RYR1: variants seen among roughly 807,000 people sequenced by gnomAD.
RYR1 encodes central core disease of muscle.
RYR1 carries 342 observed loss-of-function variants against 583.5 expected under a neutral mutation model. The ratio of observed to expected loss-of-function variants is 0.59; its 90% CI spans 0.54 to 0.64. The LOEUF is 0.64. Among genes scored for constraint, RYR1 ranks in the 30% least tolerant of loss-of-function variants. RYR1 has a pLI of 0.00. For missense variants in RYR1, 6,032 were observed against 6,917.2 expected (o/e 0.87, Z 4.54); for synonymous variants, 2,791 against 2,822.5 (o/e 0.99, Z 0.35).
rs948898812 is a variant in RYR1 at position 38,565,654 on chromosome 19, G to A, written c.13320G>A (p.Val4440=). Residue 4440 remains valine (V), a synonymous_variant, in exon 91 of 106, where the codon GTG becomes GTA. Coordinates refer to ENST00000359596, the MANE Select transcript of RYR1 (RefSeq NM_000540.3). The surrounding 1 kb of genome is among the most constrained non-coding windows in gnomAD (Gnocchi z 4.7). ...GCGGTGCCGACGGGGCGGTGGCCGTGACCGATGGGGGCCCCTTCCGGCCCG... is the reference window on the plus strand; with the variant it reads ...GCGGTGCCGACGGGGCGGTGGCCGTAACCGATGGGGGCCCCTTCCGGCCCG... ...GPGGADGAVA[V]TDGGPFRPEG... is the part of the protein sequence containing the mutation. 7.2e-7 allele frequency: 1 copy of A among 1,390,448 alleles called. No individual in the cohort carries two copies. Among genetic ancestry groups the A allele is most frequent in the Non-Finnish European group, 9.2e-7 (1 of 1,083,360 alleles). 86.1% of individuals were successfully genotyped at this position (1,390,448 alleles called of 1,614,324 possible).
chr19:38,444,446 C>T lies in RYR1; in HGVS notation c.538-138C>T. 1.2e-6 allele frequency: 1 copy of T among 867,156 alleles called. No homozygotes were observed. The highest frequency in any genetic ancestry group is 1.9e-6 in the Non-Finnish European group (1 of 524,864). 53.7% of individuals were successfully genotyped at this position (867,156 alleles called of 1,614,324 possible). On this transcript the variant is annotated intron_variant, in intron 6 of 105. Coordinates refer to ENST00000359596, the MANE Select transcript of RYR1 (RefSeq NM_000540.3). The surrounding 1 kb of genome is among the most constrained non-coding windows in gnomAD (Gnocchi z 5.1). ...CTCCCATTGCCCGACTTGATCATTT[C>T]CTGATCTGTGATCTCTGATGACTCT...
At position 38,475,459 on chromosome 19, in the gene RYR1, C is replaced by T. The variant is rs753826434; in HGVS notation, c.4293+9C>T. The stretch of plus-strand genomic sequence containing the variant: ...TCCTCAACACCACCACGGTGTGGAC[C>T]AGTAACCCTCAATTTTGGGGTCCCC... On this transcript the variant is annotated intron_variant, in intron 29 of 105. Coordinates refer to ENST00000359596, the MANE Select transcript of RYR1 (RefSeq NM_000540.3). 3.2e-5 allele frequency: 51 copies of T among 1,613,166 alleles called. No homozygotes were observed. Among genetic ancestry groups the T allele is most frequent in the Non-Finnish European group, 4.2e-5 (49 of 1,180,030 alleles).
chr19:38,532,948 G>A (rs1445856500), intron 78 of RYR1, among the ~76,000 whole-genome samples: 1 of 151,680 alleles, frequency 6.6e-6, no homozygotes, highest in Non-Finnish European at 1.5e-5. Context: ...GGTCAGGGCT[G>A]GAATTGGGGA....
rs1306810631 is a variant in RYR1 at position 38,543,796 on chromosome 19, G to C, written c.11933G>C (p.Ser3978Thr). ...IQGPCTGNQQ[S>T]LAHSRLWDAV... is the part of the protein sequence containing the mutation. ...GGTCCCTGCACCGGGAACCAGCAGA[G>C]CCTGGCGCACAGTCGCCTATGGGAC... Residue 3978 changes from serine (S) to threonine (T), a missense_variant, in exon 87 of 106, where the codon AGC (serine) becomes ACC (threonine). Coordinates refer to ENST00000359596, the MANE Select transcript of RYR1 (RefSeq NM_000540.3). The surrounding 1 kb of genome is among the most constrained non-coding windows in gnomAD (Gnocchi z 4.4). 1.2e-6 allele frequency: 2 copies of C among 1,613,602 alleles called. No individual in the cohort carries two copies. Among genetic ancestry groups the C allele is most frequent in the Non-Finnish European group, 1.7e-6 (2 of 1,180,034 alleles).
chr19:38,543,797 C>T lies in RYR1; in HGVS notation c.11934C>T (p.Ser3978=), dbSNP rs767405556. The T allele has an allele frequency of 1.2e-6, 2 of 1,613,804 alleles. No homozygotes were observed. Among genetic ancestry groups the T allele is most frequent in the Non-Finnish European group, 1.7e-6 (2 of 1,180,036 alleles). ...IQGPCTGNQQ[S]LAHSRLWDAV... is the part of the protein sequence containing the mutation. ...GTCCCTGCACCGGGAACCAGCAGAGCCTGGCGCACAGTCGCCTATGGGACG... is the reference window on the plus strand; with the variant it reads ...GTCCCTGCACCGGGAACCAGCAGAGTCTGGCGCACAGTCGCCTATGGGACG... Residue 3978 remains serine, a synonymous_variant, in exon 87 of 106, where the codon AGC becomes AGT. Coordinates refer to ENST00000359596, the MANE Select transcript of RYR1 (RefSeq NM_000540.3). This position sits in a 1 kb window ranked among gnomAD's most constrained non-coding sequence, Gnocchi z 4.4.
At position 38,567,726 on chromosome 19, in the gene RYR1, A is replaced by G. The variant is rs764967309; in HGVS notation, c.13515-47A>G. ...TGGTTTTGAATGAATGAACTCATGC[A>G]TTGCCTGCCCAGGCACCTCCTGACC... is the stretch of plus-strand genomic sequence containing the variant. On this transcript the variant is annotated intron_variant, in intron 92 of 105. Coordinates refer to ENST00000359596, the MANE Select transcript of RYR1 (RefSeq NM_000540.3). The G allele has an allele frequency of 3.7e-6, 6 of 1,614,090 alleles. No individual in the cohort carries two copies. The Admixed American group carries it at 1.0e-4, about 27-fold the overall frequency.
In RYR1 at chr19:38,452,937, T is replaced by A; in HGVS notation, c.1363T>A (p.Ser455Thr). 6.2e-7 allele frequency: 1 copy of A among 1,613,966 alleles called. No individual in the cohort carries two copies. ...CCTCATCATCTACTTCGAGCCTCCC[T>A]CCGAGGACTTGCAGCACGAGGAGAA... ...QDLIIYFEPPSEDLQHEEKQS... is the reference protein window; with the variant it reads ...QDLIIYFEPPTEDLQHEEKQS... Residue 455 changes from serine to threonine, a missense_variant, in exon 13 of 106, where the codon TCC becomes ACC. Ser to Thr is a moderately conservative substitution (Grantham distance 58, BLOSUM62 1). Transcript: ENST00000359596.
intron 89 of RYR1, among the ~76,000 whole-genome samples, chr19:38,560,729 C>CAAAA (rs765130460): frequency 3.2e-4 from 12 of 37,914 alleles, no homozygotes; most frequent in South Asian, 1.0e-3. Context: ...AACTCCGTCT[C>CAAAA]AAAAAAAAAA....
intron 89 of RYR1, among the ~76,000 whole-genome samples, chr19:38,549,332 C>T (rs1220066486): frequency 6.6e-6 from 1 of 152,104 alleles, no homozygotes; most frequent in Non-Finnish European, 1.5e-5. Context: ...TGGTTCATGC[C>T]TATAATCCCA....
At chr19:38,526,805 C>T (rs572011204) in intron 71 of RYR1, 188 bp from the exon 72 acceptor site, 1 of 603,112 alleles carries the variant, frequency 1.7e-6, no homozygotes, top group Non-Finnish European at 3.0e-6. Context: ...ACTCTGTGAC[C>T]CTCCGGCCCC....
Position 38,485,915 on chromosome 19 carries a change from G to T in RYR1, c.5260G>T (p.Glu1754Ter). 1 of 1,613,768 alleles carries T rather than the reference G, an allele frequency of 6.2e-7. No individual in the cohort carries two copies. Reference protein sequence around the residue: ...ITLFPPGRSTENGHPRHGLPG... With the variant: ...ITLFPPGRST The stretch of plus-strand genomic sequence containing the variant: ...GCTCTTCCCTCCTGGAAGGAGCACA[G>T]AAAATGGTCACCCCCGGCATGGCCT... Residue 1754 changes from glutamate (E) to a stop codon, truncating the protein, a stop_gained, in exon 34 of 106, where the codon GAA (glutamate) becomes TAA (stop). Coordinates refer to ENST00000359596, the MANE Select transcript of RYR1 (RefSeq NM_000540.3). LOFTEE classifies it high-confidence loss of function.
In RYR1 at chr19:38,526,303, C is replaced by T. The variant is rs544843493; in HGVS notation, c.10627-690C>T. Reference sequence around the variant, plus strand: ...TCCAGCTTCAGGGACTCTAAGGAACCCTCCCAGGATTCTGCCCCAAGACCC... The same window carrying T: ...TCCAGCTTCAGGGACTCTAAGGAACTCTCCCAGGATTCTGCCCCAAGACCC... On this transcript the variant is annotated intron_variant, in intron 71 of 105. Transcript: ENST00000359596. Among the ~76,000 whole-genome samples the T allele has an allele frequency of 3.2e-4, 49 of 152,118 alleles. 1 individual carries two copies. In the South Asian group the frequency reaches 0.01, roughly 32 times the overall value.
Position 38,512,801 on chromosome 19 carries a change from T to TA in RYR1, c.9472+329dup, listed in dbSNP as rs879675297. Among the ~76,000 whole-genome samples the TA allele has an allele frequency of 2.9e-3, 403 of 139,524 alleles. 3 individuals carry two copies. Among genetic ancestry groups the TA allele is most frequent in the Middle Eastern group, 7.3e-3 (2 of 274 alleles). The allele number at this position is 139,524 out of a possible 152,430, so 91.5% of individuals were successfully genotyped here. A position where few individuals can be genotyped will look rare whatever the true frequency, so the allele number is the denominator to read the frequency against. The stretch of plus-strand genomic sequence containing the variant: ...CAACATAGCGAGACCCTGTCTCTAC[T>TA]AAAAAAAAAAAGAAAAATTTAAAGA... On this transcript the variant is annotated intron_variant, in intron 63 of 105. Coordinates refer to ENST00000359596, the MANE Select transcript of RYR1 (RefSeq NM_000540.3). The surrounding 1 kb of genome is among the most constrained non-coding windows in gnomAD (Gnocchi z 5.1).
At position 38,449,433 on chromosome 19, in the gene RYR1, C is replaced by T. The variant is rs558603197; in HGVS notation, c.1122+620C>T. Among the ~76,000 whole-genome samples the T allele has an allele frequency of 3.3e-5, 5 of 152,332 alleles. No individual in the cohort carries two copies. In the East Asian group the frequency reaches 7.7e-4, roughly 23 times the overall value. On this transcript the variant is annotated intron_variant, in intron 11 of 105. Transcript: ENST00000359596. ...CCAATATCGTGCCATTGCACTCCAGCCTGGCTGACAAGAGTGAAACTCCGT... is the reference window on the plus strand; with the variant it reads ...CCAATATCGTGCCATTGCACTCCAGTCTGGCTGACAAGAGTGAAACTCCGT...
intron 88 of RYR1, 68 bp downstream of exon 88, chr19:38,546,594 G>T: frequency 8.5e-7 from 1 of 1,177,496 alleles, no homozygotes. Context: ...ATGGCCCCCT[G>T]AGACCCGGGA....
At chr19:38,506,237 G>C (rs1970442409) in intron 54 of RYR1, 66 bp from the exon 55 acceptor site, 1 of 1,533,588 alleles carries the variant, frequency 6.5e-7, no homozygotes, top group South Asian at 1.1e-5. Flanking sequence ...GGGGCCTGGG[G>C]AGGGGCTGGC....
intron 7 of RYR1, among the ~76,000 whole-genome samples, chr19:38,445,759 C>T (rs764849073): frequency 4.0e-4 from 61 of 152,160 alleles, no homozygotes; most frequent in Non-Finnish European, 8.4e-4. Context: ...GGGGCCAAGG[C>T]GGGTGGATCA....
chr19:38,569,459 G>T (rs1303221663), intron 93 of RYR1, among the ~76,000 whole-genome samples: 1 of 151,980 alleles, frequency 6.6e-6, no homozygotes, highest in Non-Finnish European at 1.5e-5. Context: ...GGAGGCTGAG[G>T]CGGGAGGATC....
At chr19:38,567,550 C>T (rs757972987) in intron 92 of RYR1, among the ~76,000 whole-genome samples, 1 of 152,152 alleles carries the variant, frequency 6.6e-6, no homozygotes, top group African/African-American at 2.4e-5. Flanking sequence ...CAGCCCCGAC[C>T]ACTCTGGGCT....
Sources: allele counts gnomAD v4.1 joint callset (sites outside exome capture counted in the v4.1 genomes callset), GRCh38; gene constraint gnomAD v4.1.1; non-coding constraint Gnocchi (gnomAD v3.1); transcripts MANE v1.5; gene names NCBI Gene and HGNC (gene_info 2026-07-23, HGNC 2026-07-21).